The following ATP8B1 variants were observed in gnomAD, a reference collection of about 807,000 sequenced individuals.
ATP8B1 encodes ATPase phospholipid transporting 8B1, also known as phospholipid-transporting ATPase IC.
Under a neutral mutation model 149.9 loss-of-function variants are expected in ATP8B1, and 80 were observed. The ratio of observed to expected loss-of-function variants is 0.53; its 90% CI spans 0.45 to 0.64. The LOEUF (loss-of-function observed/expected upper bound fraction) is 0.64, where lower values mean the gene tolerates loss of function less well. ATP8B1 is among the 30% of genes least tolerant of loss of function. The probability of loss-of-function intolerance (pLI) is 0.00; values close to 1 mark genes in which losing one functional copy is unlikely to be tolerated. For synonymous variants in ATP8B1, 536 were observed against 562.8 expected, an observed-to-expected ratio of 0.95 and a Z score of 0.67; for missense variants, 1,247 against 1,552.6, an observed-to-expected ratio of 0.80 and a Z score of 3.31.
chr18:57,668,024 A>C (rs1247930248), intron 19 of ATP8B1: 1 of 1,229,506 alleles, frequency 8.1e-7, no homozygotes, highest in Admixed American at 2.7e-5. Flanking sequence ...TTTTATTGCC[A>C]AGCAATAAAA....
At chr18:57,736,921 T>C (rs1000051511) in intron 1 of ATP8B1, 5 of 152,210 alleles carry the variant, frequency 3.3e-5, no homozygotes, top group African/African-American at 1.2e-4. Context: ...TTGTTATATA[T>C]ATATGTATCA....
At chr18:57,787,529 G>GCGGGTGGAGCTCCATCTAGA (rs2080421844) in intron 1 of ATP8B1, among the ~76,000 whole-genome samples, 2 of 148,392 alleles carry the variant, frequency 1.3e-5, no homozygotes, top group African/African-American at 5.0e-5. Flanking sequence ...CTCCATCTAG[G>GCGGGTGGAGCTCCATCTAGA]ACACTGTGGG....
intron 1 of ATP8B1, among the ~76,000 whole-genome samples, chr18:57,791,444 G>T (rs892339776): frequency 6.9e-6 from 1 of 144,614 alleles, no homozygotes; most frequent in Non-Finnish European, 1.5e-5. Context: ...TCCGCCTCCT[G>T]AGTTCAAGCG....
chr18:57,719,436 T>G (rs1222107476), intron 2 of ATP8B1, among the ~76,000 whole-genome samples: 1 of 152,210 alleles, frequency 6.6e-6, no homozygotes, highest in African/African-American at 2.4e-5. Flanking sequence ...GGCGAGGCAT[T>G]GCCTCACCTG....
chr18:57,760,228 A>G (rs2080135094), intron 1 of ATP8B1, among the ~76,000 whole-genome samples: 3 of 152,270 alleles, frequency 2.0e-5, no homozygotes, highest in South Asian at 4.1e-4. Flanking sequence ...GAAGCCAAAG[A>G]TGAATTCAGT....
chr18:57,735,936 A>G (rs1476104735), intron 1 of ATP8B1, among the ~76,000 whole-genome samples: 1 of 151,982 alleles, frequency 6.6e-6, no homozygotes, highest in Admixed American at 6.6e-5. Context: ...TGCATGCATT[A>G]GGTATTTGTC....
chr18:57,789,791 T>C (rs1053348877), intron 1 of ATP8B1, among the ~76,000 whole-genome samples: 2 of 152,204 alleles, frequency 1.3e-5, no homozygotes, highest in Admixed American at 6.5e-5. Context: ...ACATACTTTG[T>C]TGCCAAAAAA....
In ATP8B1 at chr18:57,717,547, CAAAAAAAAAAAAAAAAAAAAAA is replaced by C. The variant is rs1163024544; in HGVS notation, c.182-10982_182-10961del. Among the ~76,000 whole-genome samples, 42 of 19,926 alleles carry C rather than the reference CAAAAAAAAAAAAAAAAAAAAAA, an allele frequency of 2.1e-3. 1 individual carries two copies. The highest frequency in any genetic ancestry group is 0.013 in the South Asian group (6 of 480). 13.1% of individuals were successfully genotyped at this position (19,926 alleles called of 152,430 possible). ...TGGGTAACAGAGCAAGACTCTGTCTCAAAAAAAAAAAAAAAAAAAAAAAAAAAAAAAAAAAAAAAAAGAACTA... is the reference window on the plus strand; with the variant it reads ...TGGGTAACAGAGCAAGACTCTGTCTCAAAAAAAAAAAAAAAAAAAGAACTA... On this transcript the variant is annotated intron_variant, in intron 2 of 27. Coordinates refer to ENST00000648908, the MANE Select transcript of ATP8B1 (RefSeq NM_001374385.1).
intron 1 of ATP8B1, among the ~76,000 whole-genome samples, chr18:57,736,841 G>A (rs753409931): frequency 2.0e-5 from 3 of 151,806 alleles, no homozygotes; most frequent in Non-Finnish European, 4.4e-5. Context: ...TTTATTTCTG[G>A]GTTCCCTATT....
intron 20 of ATP8B1, among the ~76,000 whole-genome samples, chr18:57,666,066 C>T (rs978933472): frequency 6.6e-6 from 1 of 152,180 alleles, no homozygotes; most frequent in Non-Finnish European, 1.5e-5. Context: ...TCAATTCCCT[C>T]ATCACTTTAT....
At chr18:57,719,332 A>G (rs1568210314) in intron 2 of ATP8B1, among the ~76,000 whole-genome samples, 1 of 152,194 alleles carries the variant, frequency 6.6e-6, no homozygotes, top group Admixed American at 6.5e-5. Context: ...TGATTTCTCC[A>G]TTTCCATCTG....
chr18:57,771,494 C>A (rs919712200), intron 1 of ATP8B1, among the ~76,000 whole-genome samples: 1 of 152,176 alleles, frequency 6.6e-6, no homozygotes, highest in Non-Finnish European at 1.5e-5. Context: ...TCTGAGATAA[C>A]CAGGTTCCCC....
chr18:57,654,677 A>C (rs1048380232), intron 23 of ATP8B1, among the ~76,000 whole-genome samples: 3 of 147,212 alleles, frequency 2.0e-5, no homozygotes, highest in African/African-American at 7.5e-5. Flanking sequence ...AGATAAAAAC[A>C]TACAAGCAAA....
At chr18:57,755,559 A>G (rs769051444) in intron 1 of ATP8B1, 1 of 152,202 alleles carries the variant, frequency 6.6e-6, no homozygotes, top group East Asian at 1.9e-4. Flanking sequence ...ACAGTTTCAC[A>G]TTGACGCTTA....
chr18:57,674,868 G>A lies in ATP8B1; in HGVS notation c.1785C>T (p.Asp595=). The A allele has an allele frequency of 6.2e-7, 1 of 1,614,230 alleles. No individual in the cohort carries two copies. The highest frequency in any genetic ancestry group is 1.3e-5 in the African/African-American group (1 of 75,072). ...ERTYNVLAIL[D]FNSDRKRMSI... ...ACATTCGCTTCCGGTCACTGTTGAA[G>A]TCCAAAATGGCAAGAACATTGTAAG... Residue 595 remains aspartate (D), a synonymous_variant, in exon 16 of 28, where the codon GAC becomes GAT. Coordinates refer to ENST00000648908, the MANE Select transcript of ATP8B1 (RefSeq NM_001374385.1).
chr18:57,754,053 T>C (rs9963893), intron 1 of ATP8B1, among the ~76,000 whole-genome samples: 40,305 of 151,588 alleles, frequency 0.27, 5,946 homozygotes, highest in African/African-American at 0.39. Context: ...TCCATTTGCA[T>C]TGGACTTGAG....
chr18:57,689,033 C>G (rs1223914236), intron 12 of ATP8B1, among the ~76,000 whole-genome samples: 1 of 152,194 alleles, frequency 6.6e-6, no homozygotes, highest in African/African-American at 2.4e-5. Context: ...CAGGGTCAAG[C>G]TGATTTTAGA....
intron 1 of ATP8B1, among the ~76,000 whole-genome samples, chr18:57,765,531 T>C (rs1213055178): frequency 6.6e-6 from 1 of 151,846 alleles, no homozygotes; most frequent in Non-Finnish European, 1.5e-5. Context: ...TAGCCAGACA[T>C]AGTGGCGGGC....
intron 1 of ATP8B1, among the ~76,000 whole-genome samples, chr18:57,761,180 A>G (rs1307160939): frequency 1.3e-5 from 2 of 151,994 alleles, no homozygotes; most frequent in South Asian, 2.1e-4. Flanking sequence ...GCCTCAAGCA[A>G]TCCTTCCACC....
Sources: allele counts gnomAD v4.1 joint callset (sites outside exome capture counted in the v4.1 genomes callset), GRCh38; gene constraint gnomAD v4.1.1; transcripts MANE v1.5; gene names NCBI Gene and HGNC (gene_info 2026-07-23, HGNC 2026-07-21).